Variants in TTC39C observed in about 807,000 individuals in gnomAD.
TTC39C encodes the protein tetratricopeptide repeat protein 39C.
Under a neutral mutation model 76.3 loss-of-function variants are expected in TTC39C, and 33 were observed. That is an observed-to-expected ratio of 0.43 (90% CI 0.33 to 0.58). TTC39C has a LOEUF of 0.58. Among genes scored for constraint, TTC39C ranks in the 20% least tolerant of loss-of-function variants. The pLI, the probability that TTC39C is intolerant of heterozygous loss-of-function variation, is 0.04. For synonymous variants in TTC39C, 254 were observed against 260.6 expected (o/e 0.97, Z 0.24); for missense variants, 595 against 701.4 (o/e 0.85, Z 1.71).
chr18:24,096,247 GA>G (rs1440409575), intron 6 of TTC39C, among the ~76,000 whole-genome samples: 1 of 151,998 alleles, frequency 6.6e-6, no homozygotes, highest in Non-Finnish European at 1.5e-5. Flanking sequence ...ATTTGTTAAA[GA>G]AAAAAAGTGG....
exon 1 of TTC39C, chr18:23,992,903 C>G (rs928642421): frequency 6.6e-6 from 1 of 152,210 alleles, no homozygotes; most frequent in Non-Finnish European, 1.5e-5. Context: ...CCATCTTGTC[C>G]CTCCTGGAGA....
rs79125648 is a variant in TTC39C, at chr18:24,107,310, C to T, written c.985-7244C>T. Among the ~76,000 whole-genome samples, 408 of 152,052 alleles carry T rather than the reference C, an allele frequency of 2.7e-3. 1 individual carries two copies. Among genetic ancestry groups the T allele is most frequent in the Non-Finnish European group, 3.8e-3 (255 of 67,988 alleles). ...TAACACACACACACACACACACACA[C>T]GCACGCATGTGCACTCTACTTTCTG... is the stretch of plus-strand genomic sequence containing the variant. On this transcript the variant is annotated intron_variant, in intron 6 of 13. Transcript: ENST00000317571.
chr18:24,124,065 G>C (rs368411053), intron 9 of TTC39C, 122 bp downstream of exon 9: 1 of 635,694 alleles, frequency 1.6e-6, no homozygotes, highest in East Asian at 2.9e-5. Flanking sequence ...ATAAAGTGCA[G>C]TTCACCGCCA....
chr18:24,113,801 A>C (rs1381813289), intron 6 of TTC39C: 2 of 659,976 alleles, frequency 3.0e-6, no homozygotes, highest in South Asian at 3.4e-5. Context: ...CAGCGGCGGG[A>C]AAACGAAATG....
intron 8 of TTC39C, among the ~76,000 whole-genome samples, chr18:24,121,346 G>A (rs2084965965): frequency 6.6e-6 from 1 of 152,270 alleles, no homozygotes; most frequent in East Asian, 1.9e-4. Flanking sequence ...GCCGAGGCGT[G>A]TGGATCACCT....
chr18:24,107,198 G>A (rs1599331854), intron 6 of TTC39C, among the ~76,000 whole-genome samples: 1 of 152,110 alleles, frequency 6.6e-6, no homozygotes. Flanking sequence ...TGTATATTTA[G>A]TGTTGTTTGT....
chr18:24,051,837 A>G (rs1358679039), intron 1 of TTC39C, among the ~76,000 whole-genome samples: 1 of 152,130 alleles, frequency 6.6e-6, no homozygotes, highest in African/African-American at 2.4e-5. Flanking sequence ...GTCAGATGAA[A>G]TGGGAAGTAT....
At chr18:24,127,632 T>A (rs2085067318) in intron 10 of TTC39C, among the ~76,000 whole-genome samples, 1 of 152,000 alleles carries the variant, frequency 6.6e-6, no homozygotes, top group African/African-American at 2.4e-5. Context: ...TCCTCCAACC[T>A]CAGCCTCCTG....
At chr18:24,032,164 G>A (rs900712507) in intron 1 of TTC39C, among the ~76,000 whole-genome samples, 12 of 152,148 alleles carry the variant, frequency 7.9e-5, no homozygotes, top group Admixed American at 7.9e-4. Flanking sequence ...CCGATACCTC[G>A]ATTTCAGCCC....
At chr18:24,014,614 G>A (rs1004797271), upstream of TTC39C, 100 of 354,446 alleles carry the variant, frequency 2.8e-4, no homozygotes, top group Middle Eastern at 8.8e-4. Context: ...CGGAGGGCGC[G>A]AGAGGAGCGG....
intron 6 of TTC39C, among the ~76,000 whole-genome samples, chr18:24,083,876 A>G (rs1169541024): frequency 6.6e-6 from 1 of 152,232 alleles, no homozygotes; most frequent in Non-Finnish European, 1.5e-5. Flanking sequence ...TAGCTGCTCC[A>G]TCTACATTGT....
rs547820834 is a variant in TTC39C at position 24,135,552 on chromosome 18, T to C, written c.*2978T>C. The C allele has an allele frequency of 6.5e-6, 1 of 153,384 alleles. No individual in the cohort carries two copies. The highest frequency in any genetic ancestry group is 2.1e-4 in the South Asian group (1 of 4,828). 9.5% of individuals were successfully genotyped at this position (153,384 alleles called of 1,614,324 possible). A position where few individuals can be genotyped will look rare whatever the true frequency, so the allele number is the denominator to read the frequency against. ...CTTGGTAACTTGGTTTGGTGTAAAC[T>C]GCTCTTAACCCTTTGCTGATGAAGA... On this transcript the variant is annotated 3_prime_UTR_variant, in exon 14 of 14. Coordinates refer to ENST00000317571, the MANE Select transcript of TTC39C (RefSeq NM_001135993.2).
chr18:24,036,208 G>T (rs1255009568), intron 1 of TTC39C, among the ~76,000 whole-genome samples: 1 of 152,126 alleles, frequency 6.6e-6, no homozygotes, highest in Non-Finnish European at 1.5e-5. Context: ...TGGCTATTTG[G>T]GGTCCCTTGA....
intron 1 of TTC39C, among the ~76,000 whole-genome samples, chr18:24,030,120 T>G (rs955840581): frequency 1.3e-5 from 2 of 152,212 alleles, no homozygotes; most frequent in Admixed American, 6.5e-5. Flanking sequence ...TTTGTTACTT[T>G]TTAAGTAGTT....
chr18:24,044,831 G>A (rs1462244311), intron 1 of TTC39C, among the ~76,000 whole-genome samples: 2 of 152,166 alleles, frequency 1.3e-5, no homozygotes, highest in African/African-American at 4.8e-5. Context: ...TGTCATTTTA[G>A]TTCACACAAC....
At chr18:24,012,759 G>A (rs1416491440), upstream of TTC39C, among the ~76,000 whole-genome samples, 1 of 151,952 alleles carries the variant, frequency 6.6e-6, no homozygotes, top group East Asian at 1.9e-4. Flanking sequence ...GCAGTGTGTG[G>A]CCAGGGGAGC....
chr18:24,040,875 T>A, intron 1 of TTC39C, among the ~76,000 whole-genome samples: 1 of 152,120 alleles, frequency 6.6e-6, no homozygotes, highest in East Asian at 1.9e-4. Flanking sequence ...GTGGTGGTAC[T>A]GTATTTTTGG....
At chr18:24,090,989 C>T (rs1431101074) in intron 6 of TTC39C, among the ~76,000 whole-genome samples, 9 of 151,642 alleles carry the variant, frequency 5.9e-5, no homozygotes, top group African/African-American at 1.7e-4. Flanking sequence ...GTATTTTTAG[C>T]GGAGATGGGG....
At chr18:24,128,425 A>G (rs2085077669) in intron 10 of TTC39C, among the ~76,000 whole-genome samples, 2 of 149,252 alleles carry the variant, frequency 1.3e-5, no homozygotes, top group Non-Finnish European at 1.5e-5. Context: ...TATTATATAA[A>G]ATATAAATAT....
Sources: allele counts gnomAD v4.1 joint callset (sites outside exome capture counted in the v4.1 genomes callset), GRCh38; gene constraint gnomAD v4.1.1; transcripts MANE v1.5; gene names NCBI Gene and HGNC (gene_info 2026-07-23, HGNC 2026-07-21).